Variants in ASTN2 observed in about 807,000 individuals in gnomAD.
The protein encoded by ASTN2 is astrotactin-2.
A neutral mutation model predicts 139.8 loss-of-function variants in ASTN2; 54 were observed. The observed-to-expected ratio is 0.39, with a 90% CI of 0.31 to 0.48. ASTN2 has a LOEUF of 0.48. Among genes scored for constraint, ASTN2 ranks in the 20% least tolerant of loss-of-function variants. The probability of loss-of-function intolerance (pLI) is 0.95; values close to 1 mark genes in which losing one functional copy is unlikely to be tolerated. For missense variants in ASTN2, 1,565 were observed against 1,725.1 expected, an observed-to-expected ratio of 0.91 and a Z score of 1.64; for synonymous variants, 756 against 719.5, an observed-to-expected ratio of 1.05 and a Z score of -0.81.
chr9:116,676,309 T>C (rs1447649866), intron 16 of ASTN2, among the ~76,000 whole-genome samples: 1 of 152,176 alleles, frequency 6.6e-6, no homozygotes, highest in Non-Finnish European at 1.5e-5. Flanking sequence ...CAAAAAGGAT[T>C]TGTGAGACTA....
rs35053036 is a variant in ASTN2 at position 116,738,191 on chromosome 9, C to CAA, written c.2397-4670_2397-4669dup. On this transcript the variant is annotated intron_variant, in intron 13 of 22. Transcript: ENST00000313400. ...TGGGCGACAGAGCGAGACTCCGTCT[C>CAA]AAAAAAAAAAAAAAGACTACATATT... Among the ~76,000 whole-genome samples, 430 of 116,136 alleles carry CAA rather than the reference C, an allele frequency of 3.7e-3. 7 individuals carry two copies. The East Asian group carries it at 0.052, about 14-fold the overall frequency. 76.2% of individuals were successfully genotyped at this position (116,136 alleles called of 152,430 possible).
At chr9:117,103,214 C>T (rs1490638410) in intron 4 of ASTN2, among the ~76,000 whole-genome samples, 1 of 152,162 alleles carries the variant, frequency 6.6e-6, no homozygotes, top group Non-Finnish European at 1.5e-5. Context: ...CTCAATAAAA[C>T]AGACAAAAAT....
chr9:116,471,608 G>A (rs1848816599), intron 20 of ASTN2, among the ~76,000 whole-genome samples: 1 of 152,072 alleles, frequency 6.6e-6, no homozygotes, highest in Non-Finnish European at 1.5e-5. Context: ...TAAAGGGGGT[G>A]GAGGGAGGGG....
intron 1 of ASTN2, among the ~76,000 whole-genome samples, chr9:117,400,233 C>G (rs562714309): frequency 3.9e-5 from 6 of 152,338 alleles, no homozygotes; most frequent in Non-Finnish European, 7.4e-5. Context: ...AGACTCCAGG[C>G]ACTACCTCCA....
At chr9:116,922,949 A>G (rs1834653464) in intron 10 of ASTN2, among the ~76,000 whole-genome samples, 3 of 152,208 alleles carry the variant, frequency 2.0e-5, no homozygotes, top group Admixed American at 6.5e-5. Context: ...GAAGATTGGA[A>G]GGGGCCTTAT....
intron 3 of ASTN2, among the ~76,000 whole-genome samples, chr9:117,208,707 T>C (rs1035573280): frequency 1.3e-5 from 2 of 151,734 alleles, no homozygotes; most frequent in Non-Finnish European, 2.9e-5. Flanking sequence ...TGAAAGTCAA[T>C]GACAAAAAAA....
At chr9:116,755,794 T>A (rs561940556) in intron 13 of ASTN2, among the ~76,000 whole-genome samples, 64 of 152,190 alleles carry the variant, frequency 4.2e-4, no homozygotes, top group Non-Finnish European at 8.5e-4. Context: ...ATCATGTATA[T>A]CCCTGTAAGT....
intron 20 of ASTN2, among the ~76,000 whole-genome samples, chr9:116,452,489 T>C (rs1848204869): frequency 6.6e-6 from 1 of 152,208 alleles, no homozygotes; most frequent in Non-Finnish European, 1.5e-5. Context: ...ATTATGGATG[T>C]AAAAGTGCCT....
intron 5 of ASTN2, among the ~76,000 whole-genome samples, chr9:117,050,217 A>G (rs1838874942): frequency 6.6e-6 from 1 of 152,120 alleles, no homozygotes; most frequent in South Asian, 2.1e-4. Context: ...AAGAGCAGCC[A>G]CAGTTTCCAT....
At chr9:116,496,738 G>A (rs976053796) in intron 19 of ASTN2, among the ~76,000 whole-genome samples, 9 of 152,236 alleles carry the variant, frequency 5.9e-5, no homozygotes, top group African/African-American at 2.2e-4. Context: ...AGTTCCACAT[G>A]GCTGGGGAGG....
At chr9:116,508,108 C>T (rs1850190848) in intron 19 of ASTN2, among the ~76,000 whole-genome samples, 1 of 152,100 alleles carries the variant, frequency 6.6e-6, no homozygotes, top group African/African-American at 2.4e-5. Context: ...TCAGGGTGGT[C>T]TTGAACTCCC....
chr9:117,150,335 T>A (rs968973331), intron 3 of ASTN2, among the ~76,000 whole-genome samples: 3 of 152,204 alleles, frequency 2.0e-5, no homozygotes, highest in African/African-American at 7.2e-5. Context: ...ACTAATGTTA[T>A]CCTTACAAAC....
At chr9:116,780,080 C>G (rs987120896) in intron 13 of ASTN2, among the ~76,000 whole-genome samples, 3 of 152,192 alleles carry the variant, frequency 2.0e-5, no homozygotes, top group African/African-American at 7.2e-5. Context: ...ACAACAGTCA[C>G]TGGGTGCTCA....
At chr9:117,135,360 T>C (rs890116910) in intron 4 of ASTN2, among the ~76,000 whole-genome samples, 40 of 152,194 alleles carry the variant, frequency 2.6e-4, no homozygotes, top group African/African-American at 8.9e-4. Flanking sequence ...ATAAAATGTG[T>C]GATGGGCAAG....
At chr9:116,662,234 T>A (rs1356251756) in intron 16 of ASTN2, among the ~76,000 whole-genome samples, 1 of 152,078 alleles carries the variant, frequency 6.6e-6, no homozygotes, top group Non-Finnish European at 1.5e-5. Flanking sequence ...CTGCTTTTTA[T>A]GTATAAAATA....
chr9:116,498,407 A>G (rs1444320465), intron 19 of ASTN2, among the ~76,000 whole-genome samples: 1 of 150,524 alleles, frequency 6.6e-6, no homozygotes, highest in Non-Finnish European at 1.5e-5. Flanking sequence ...CAGCATAGCA[A>G]GACCCCATCT....
intron 12 of ASTN2, among the ~76,000 whole-genome samples, chr9:116,814,051 AAAAG>A (rs1410550454): frequency 1.3e-5 from 2 of 151,946 alleles, no homozygotes; most frequent in East Asian, 1.9e-4. Context: ...AAAAAAAAAA[AAAAG>A]AGAGAGAGAG....
intron 6 of ASTN2, among the ~76,000 whole-genome samples, chr9:117,015,478 A>C (rs1258238826): frequency 6.6e-6 from 1 of 152,170 alleles, no homozygotes; most frequent in African/African-American, 2.4e-5. Flanking sequence ...GAATAAGTGA[A>C]GCACAGTTCT....
intron 2 of ASTN2, among the ~76,000 whole-genome samples, chr9:117,244,232 CT>C (rs1833298390): frequency 6.6e-6 from 1 of 152,120 alleles, no homozygotes; most frequent in African/African-American, 2.4e-5. Context: ...ATAAATTACC[CT>C]GTTTTGGGTA....
Sources: allele counts gnomAD v4.1 joint callset (sites outside exome capture counted in the v4.1 genomes callset), GRCh38; gene constraint gnomAD v4.1.1; transcripts MANE v1.5; gene names NCBI Gene and HGNC (gene_info 2026-07-23, HGNC 2026-07-21).